Variants in SLC23A2 observed in about 807,000 individuals in gnomAD.
SLC23A2 encodes solute carrier family 23 member 2.
Under a neutral mutation model 73.3 loss-of-function variants are expected in SLC23A2, and 36 were observed. The ratio of observed to expected loss-of-function variants is 0.49; its 90% CI spans 0.38 to 0.65. The LOEUF is 0.65. Among genes scored for constraint, SLC23A2 ranks in the 30% least tolerant of loss-of-function variants. The pLI, the probability that SLC23A2 is intolerant of heterozygous loss-of-function variation, is 0.00. For missense variants in SLC23A2, 507 were observed against 841.6 expected, an observed-to-expected ratio of 0.60 and a Z score of 4.92; for synonymous variants, 343 against 327.3, an observed-to-expected ratio of 1.05 and a Z score of -0.52.
chr20:4,918,803 G>T (rs544245948), intron 3 of SLC23A2, among the ~76,000 whole-genome samples: 1 of 152,240 alleles, frequency 6.6e-6, no homozygotes, highest in South Asian at 2.1e-4. Context: ...GTGTCTGGCC[G>T]CTAAGAGAAC....
chr20:4,943,324 A>C (rs1265969976), intron 2 of SLC23A2, among the ~76,000 whole-genome samples: 1 of 152,114 alleles, frequency 6.6e-6, no homozygotes, highest in Non-Finnish European at 1.5e-5. Context: ...AGCCAGAATA[A>C]GAATCAGTGG....
intron 2 of SLC23A2, among the ~76,000 whole-genome samples, chr20:4,959,595 T>C (rs1012119260): frequency 4.6e-5 from 7 of 152,106 alleles, no homozygotes; most frequent in Non-Finnish European, 8.8e-5. Context: ...CCTCCCGGGC[T>C]CAAGTGATCC....
chr20:4,938,858 C>G (rs936093516), intron 2 of SLC23A2, among the ~76,000 whole-genome samples: 2 of 152,168 alleles, frequency 1.3e-5, no homozygotes, highest in Non-Finnish European at 2.9e-5. Flanking sequence ...TGCCATCCCT[C>G]CAAAATAAGC....
chr20:4,996,071 CT>C (rs2088015219), intron 1 of SLC23A2, among the ~76,000 whole-genome samples: 1 of 152,158 alleles, frequency 6.6e-6, no homozygotes, highest in South Asian at 2.1e-4. Flanking sequence ...GCCACCTTGC[CT>C]GCCAGTTGCT....
At chr20:4,924,059 G>A (rs1932585999) in intron 3 of SLC23A2, among the ~76,000 whole-genome samples, 1 of 151,926 alleles carries the variant, frequency 6.6e-6, no homozygotes, top group African/African-American at 2.4e-5. Flanking sequence ...CCGCTCTGGG[G>A]CATCCTCACA....
chr20:4,930,291 T>A (rs1377400062), intron 3 of SLC23A2, among the ~76,000 whole-genome samples: 1 of 152,326 alleles, frequency 6.6e-6, no homozygotes, highest in East Asian at 1.9e-4. Context: ...CTCTTCAAGT[T>A]CATCTAATTT....
At chr20:4,865,162 C>T (rs1391961417) in intron 13 of SLC23A2, among the ~76,000 whole-genome samples, 4 of 152,160 alleles carry the variant, frequency 2.6e-5, no homozygotes, top group Non-Finnish European at 4.4e-5. Flanking sequence ...TGTGGCTCTG[C>T]CTCTAGGACC....
At chr20:5,008,339 A>T (rs1027203495) in intron 1 of SLC23A2, among the ~76,000 whole-genome samples, 2 of 152,136 alleles carry the variant, frequency 1.3e-5, no homozygotes, top group African/African-American at 2.4e-5. Context: ...GAGCGTTTAA[A>T]TGCACACACC....
At chr20:4,932,131 C>T (rs1932797103) in intron 3 of SLC23A2, among the ~76,000 whole-genome samples, 1 of 152,144 alleles carries the variant, frequency 6.6e-6, no homozygotes, top group African/African-American at 2.4e-5. Context: ...TGTTGGGTTG[C>T]ACATTATTTC....
intron 6 of SLC23A2, among the ~76,000 whole-genome samples, chr20:4,888,180 G>A (rs1430073371): frequency 6.6e-6 from 1 of 152,168 alleles, no homozygotes. Context: ...CACCAGGGGC[G>A]GCCAAACCAG....
At chr20:4,873,858 G>T in intron 11 of SLC23A2, 78 bp downstream of exon 11, 1 of 1,400,784 alleles carries the variant, frequency 7.1e-7, no homozygotes, top group Admixed American at 2.0e-5. Context: ...GGACAAAGAC[G>T]GCTGTTCTGC....
At chr20:4,870,470 G>A (rs1487930888) in intron 11 of SLC23A2, among the ~76,000 whole-genome samples, 2 of 152,062 alleles carry the variant, frequency 1.3e-5, no homozygotes, top group Non-Finnish European at 2.9e-5. Context: ...CCAACTACTC[G>A]GGAGGCTGAG....
chr20:4,867,057 T>A (rs1469249930), intron 13 of SLC23A2, among the ~76,000 whole-genome samples: 81 of 76,460 alleles, frequency 1.1e-3, no homozygotes, highest in South Asian at 2.6e-3. Flanking sequence ...AAGCGATCCC[T>A]AAAAAAAAAA....
chr20:4,911,256 T>C (rs1242322278), intron 4 of SLC23A2, among the ~76,000 whole-genome samples: 2 of 152,222 alleles, frequency 1.3e-5, no homozygotes, highest in Non-Finnish European at 2.9e-5. Flanking sequence ...CCCGCACTTC[T>C]GGAATTTCAG....
chr20:4,927,362 G>C (rs560590342), intron 3 of SLC23A2, among the ~76,000 whole-genome samples: 1 of 152,318 alleles, frequency 6.6e-6, no homozygotes, highest in South Asian at 2.1e-4. Context: ...GTCCTGGCAT[G>C]ATCCTCCCTG....
intron 6 of SLC23A2, among the ~76,000 whole-genome samples, chr20:4,897,780 C>T (rs555734666): frequency 2.6e-5 from 4 of 152,308 alleles, no homozygotes; most frequent in Non-Finnish European, 5.9e-5. Context: ...CAGGCCTGGC[C>T]TCCTTGGCAT....
At chr20:4,926,135 C>T (rs1266598351) in intron 3 of SLC23A2, among the ~76,000 whole-genome samples, 1 of 152,198 alleles carries the variant, frequency 6.6e-6, no homozygotes, top group Non-Finnish European at 1.5e-5. Context: ...TATGAACACC[C>T]AGGAGTATTT....
chr20:4,900,479 C>T (rs903833510), intron 5 of SLC23A2, among the ~76,000 whole-genome samples: 1 of 152,184 alleles, frequency 6.6e-6, no homozygotes, highest in African/African-American at 2.4e-5. Context: ...ATTTGATTTG[C>T]TAATATTTTA....
In SLC23A2 at chr20:5,008,444, G is replaced by A. The variant is rs568209725; in HGVS notation, c.-282+1738C>T. 5.9e-5 allele frequency among the ~76,000 whole-genome samples: 9 copies of A among 152,306 alleles called. No homozygotes were observed. The South Asian group carries it at 1.9e-3, about 32-fold the overall frequency. ...CAAGGGGCTCAAAGAAGCAGGGTTT[G>A]CTTCTGCCTCCTCCACCCCAGTTCA... On this transcript the variant is annotated intron_variant, in intron 1 of 16. Coordinates refer to the SLC23A2 transcript ENST00000379333.
Sources: gnomAD v4.1 joint callset for allele counts (sites outside exome capture counted in the v4.1 genomes callset) on GRCh38, gnomAD v4.1.1 for gene constraint, MANE v1.5 for transcripts, NCBI Gene and HGNC (gene_info 2026-07-23, HGNC 2026-07-21) for gene names.